USH2A: variants seen among roughly 807,000 people sequenced by gnomAD.
The protein encoded by USH2A is usherin, also known as Usher syndrome 2A (autosomal recessive, mild).
Under a neutral mutation model 538.9 loss-of-function variants are expected in USH2A, and 443 were observed. That is an observed-to-expected ratio of 0.82 (90% CI 0.76 to 0.89). The LOEUF (loss-of-function observed/expected upper bound fraction) is 0.89, where lower values mean the gene tolerates loss of function less well. USH2A is among the 40% of genes least tolerant of loss of function. USH2A has a pLI of 0.00. For missense variants in USH2A, 6,633 were observed against 6,324.8 expected (o/e 1.05, Z -1.65); for synonymous variants, 2,413 against 2,273.5 (o/e 1.06, Z -1.75).
chr1:215,954,512 A>G (rs915246366), intron 37 of USH2A, among the ~76,000 whole-genome samples: 1 of 143,614 alleles, frequency 7.0e-6, no homozygotes, highest in Non-Finnish European at 1.5e-5. Flanking sequence ...GGAATTGAAC[A>G]ATGAGAACAC....
intron 61 of USH2A, among the ~76,000 whole-genome samples, chr1:215,725,732 G>A (rs1015243525): frequency 1.3e-5 from 2 of 152,132 alleles, no homozygotes; most frequent in African/African-American, 4.8e-5. Flanking sequence ...AAATAGAAAA[G>A]CACACCAGTA....
intron 32 of USH2A, among the ~76,000 whole-genome samples, chr1:216,013,169 C>G (rs971401018): frequency 2.6e-5 from 4 of 152,100 alleles, no homozygotes; most frequent in African/African-American, 9.7e-5. Flanking sequence ...TTCTCCTTCT[C>G]TTATTCCATT....
intron 22 of USH2A, among the ~76,000 whole-genome samples, chr1:216,091,075 A>C (rs1183723368): frequency 6.6e-6 from 1 of 152,082 alleles, no homozygotes; most frequent in East Asian, 1.9e-4. Context: ...TGACAAACTC[A>C]CTTTATACTT....
chr1:216,222,392 T>C (rs2035474576), intron 14 of USH2A, among the ~76,000 whole-genome samples: 1 of 152,224 alleles, frequency 6.6e-6, no homozygotes, highest in Admixed American at 6.5e-5. Context: ...GGCTATAGAT[T>C]GCTGAACTCT....
intron 3 of USH2A, among the ~76,000 whole-genome samples, chr1:216,391,163 C>A (rs1187243576): frequency 6.6e-6 from 1 of 152,162 alleles, no homozygotes; most frequent in East Asian, 1.9e-4. Context: ...TATGCTTAAG[C>A]TGGTGCTATG....
In USH2A at chr1:215,674,064, G is replaced by A. The variant is rs770604353; in HGVS notation, c.13811+36C>T. 4 of 1,613,400 alleles carry A rather than the reference G, an allele frequency of 2.5e-6. No individual in the cohort carries two copies. The African/African-American group carries it at 5.3e-5, about 22-fold the overall frequency. On this transcript the variant is annotated intron_variant, in intron 63 of 71. Transcript: ENST00000307340. ...CTCAGGCAATAGAAAGGTCAGCAGT[G>A]GCTTACTCTCAGAAAACCGAGACAT...
At chr1:216,308,388 G>C (rs1368676146) in intron 9 of USH2A, among the ~76,000 whole-genome samples, 1 of 148,968 alleles carries the variant, frequency 6.7e-6, no homozygotes, top group African/African-American at 2.5e-5. Flanking sequence ...AACTTGATGA[G>C]TATAAAATAT....
At chr1:215,997,832 A>G (rs1006783158) in intron 34 of USH2A, among the ~76,000 whole-genome samples, 1 of 152,160 alleles carries the variant, frequency 6.6e-6, no homozygotes, top group Non-Finnish European at 1.5e-5. Context: ...CTTAATGGGT[A>G]ATAAAACTGT....
At chr1:216,279,923 G>A (rs570631117) in intron 11 of USH2A, among the ~76,000 whole-genome samples, 1 of 152,132 alleles carries the variant, frequency 6.6e-6, no homozygotes, top group East Asian at 1.9e-4. Context: ...GGACTCTGGG[G>A]CTACCAGAAA....
chr1:215,634,612 C>T lies in USH2A; in HGVS notation c.15144G>A (p.Ala5048=), dbSNP rs397517998. ...YSELWFIVLM[A]MLGLILLAIF... is the part of the protein sequence containing the mutation. ...TGGCCAACAAGATCAAGCCCAGCAT[C>T]GCCATTAACACTATGAACCACAGCT... The change falls in exon 70 of 72, where the codon GCG becomes GCA. Residue 5048 remains alanine (A), a synonymous_variant. Coordinates refer to ENST00000307340, the MANE Select transcript of USH2A (RefSeq NM_206933.4). The T allele has an allele frequency of 3.5e-5, 57 of 1,614,214 alleles. 1 individual carries two copies. In the South Asian group the frequency reaches 4.5e-4, roughly 13 times the overall value.
intron 49 of USH2A, among the ~76,000 whole-genome samples, chr1:215,811,382 C>T (rs1223738079): frequency 2.6e-5 from 4 of 152,096 alleles, no homozygotes; most frequent in Non-Finnish European, 5.9e-5. Context: ...GATTGGTGTT[C>T]AACGTATTTT....
chr1:216,287,001 C>T (rs1390128739), intron 11 of USH2A, among the ~76,000 whole-genome samples: 9 of 151,922 alleles, frequency 5.9e-5, no homozygotes, highest in Admixed American at 4.6e-4. Flanking sequence ...AAAACAAAAC[C>T]ATAGAGCAAT....
At chr1:216,258,438 C>A (rs1387988652) in intron 11 of USH2A, among the ~76,000 whole-genome samples, 2 of 152,108 alleles carry the variant, frequency 1.3e-5, no homozygotes, top group Non-Finnish European at 2.9e-5. Context: ...CAGCCTCATA[C>A]ATGCAGTGAA....
chr1:215,905,227 G>A (rs1665608405), intron 38 of USH2A, among the ~76,000 whole-genome samples: 1 of 152,026 alleles, frequency 6.6e-6, no homozygotes, highest in Admixed American at 6.6e-5. Flanking sequence ...GGGAGAAAAT[G>A]AATTCACTGT....
chr1:215,655,727 T>G (rs1456904411), intron 64 of USH2A, among the ~76,000 whole-genome samples: 1 of 131,806 alleles, frequency 7.6e-6, no homozygotes. Flanking sequence ...TAGTTATTCT[T>G]TTTTTTTTTT....
Position 215,670,986 on chromosome 1 carries a change from CTG to C in USH2A, c.14117_14118del (p.Thr4706ArgfsTer3). 6.2e-7 allele frequency: 1 copy of C among 1,614,132 alleles called. No homozygotes were observed. The highest frequency in any genetic ancestry group is 8.5e-7 in the Non-Finnish European group (1 of 1,179,994). On this transcript the variant is annotated frameshift_variant, in exon 64 of 72. Coordinates refer to ENST00000307340, the MANE Select transcript of USH2A (RefSeq NM_206933.4). LOFTEE classifies it high-confidence loss of function. ...SFIDSELLPF[T>X]EYEYQVWAVN... The stretch of plus-strand genomic sequence containing the variant: ...ACATTTCTTACCTGATACTCATACT[CTG>C]TGAAAGGCAATAGTTCGGAATCTAT...
intron 58 of USH2A, among the ~76,000 whole-genome samples, chr1:215,746,767 T>C (rs1463465805): frequency 6.6e-6 from 1 of 152,190 alleles, no homozygotes; most frequent in African/African-American, 2.4e-5. Context: ...TAAGGTAAAA[T>C]TGGTTTCCTT....
intron 60 of USH2A, among the ~76,000 whole-genome samples, chr1:215,731,144 C>T (rs372450905): frequency 1.3e-5 from 2 of 152,150 alleles, no homozygotes; most frequent in Non-Finnish European, 2.9e-5. Context: ...ATAAAGCCGA[C>T]ATTCTTAACA....
At chr1:216,122,055 G>T (rs147993801) in intron 21 of USH2A, among the ~76,000 whole-genome samples, 120 of 152,236 alleles carry the variant, frequency 7.9e-4, no homozygotes, top group African/African-American at 2.8e-3. Context: ...AAATCATAAT[G>T]AAAATGTAGG....
Sources: gnomAD v4.1 joint callset for allele counts (sites outside exome capture counted in the v4.1 genomes callset) on GRCh38, gnomAD v4.1.1 for gene constraint, MANE v1.5 for transcripts, NCBI Gene and HGNC (gene_info 2026-07-23, HGNC 2026-07-21) for gene names.